LRRC7: variants seen among roughly 807,000 people sequenced by gnomAD.
LRRC7 encodes the protein leucine rich repeat containing 7.
Under a neutral mutation model 175.7 loss-of-function variants are expected in LRRC7, and 23 were observed. The ratio of observed to expected loss-of-function variants is 0.13; its 90% CI spans 0.09 to 0.19. LRRC7 has a LOEUF of 0.19. LRRC7 is among the 10% of genes least tolerant of loss of function. LRRC7 has a pLI of 1.00. For synonymous variants in LRRC7, 685 were observed against 680.9 expected, an observed-to-expected ratio of 1.01 and a Z score of -0.09; for missense variants, 1,354 against 1,904.7, an observed-to-expected ratio of 0.71 and a Z score of 5.38.
chr1:69,770,558 A>G (rs1227357159), intron 3 of LRRC7, among the ~76,000 whole-genome samples: 4 of 152,202 alleles, frequency 2.6e-5, no homozygotes, highest in African/African-American at 9.6e-5. Context: ...TTTTGAAATG[A>G]AAAAACTACT....
chr1:69,583,684 TA>T (rs2100927078), intron 1 of LRRC7, among the ~76,000 whole-genome samples: 1 of 152,304 alleles, frequency 6.6e-6, no homozygotes, highest in South Asian at 2.1e-4. Flanking sequence ...GGAAATGATA[TA>T]AAAATATAGG....
At chr1:70,099,766 A>G (rs1158376108) in intron 25 of LRRC7, among the ~76,000 whole-genome samples, 1 of 152,106 alleles carries the variant, frequency 6.6e-6, no homozygotes, top group Non-Finnish European at 1.5e-5. Flanking sequence ...TTACTATTTT[A>G]TGTTATTTGT....
intron 11 of LRRC7, among the ~76,000 whole-genome samples, chr1:70,009,352 TTTC>T (rs1412150905): frequency 9.5e-4 from 137 of 144,904 alleles, no homozygotes; most frequent in African/African-American, 3.4e-3. Context: ...TCTTTCTTTC[TTTC>T]TTTTTTTTTT....
At chr1:69,658,631 A>G (rs1232039052) in intron 1 of LRRC7, among the ~76,000 whole-genome samples, 3 of 152,076 alleles carry the variant, frequency 2.0e-5, no homozygotes, top group Admixed American at 2.0e-4. Flanking sequence ...CCTAAAAAAA[A>G]TCCTCAAAGA....
At chr1:69,860,788 A>T (rs1021865120) in intron 7 of LRRC7, among the ~76,000 whole-genome samples, 7 of 152,052 alleles carry the variant, frequency 4.6e-5, no homozygotes, top group African/African-American at 1.4e-4. Context: ...GACATAAAAG[A>T]AGATTTGAAT....
chr1:69,869,671 C>T (rs1464276777), intron 7 of LRRC7, among the ~76,000 whole-genome samples: 7 of 152,026 alleles, frequency 4.6e-5, no homozygotes, highest in Non-Finnish European at 8.8e-5. Context: ...AGGCAGAGAA[C>T]AAGCCCCTGA....
intron 11 of LRRC7, among the ~76,000 whole-genome samples, chr1:70,006,411 G>T (rs1309199604): frequency 1.3e-5 from 2 of 151,082 alleles, no homozygotes; most frequent in African/African-American, 4.9e-5. Context: ...GGCAGAGGCT[G>T]CAGTGAGCCA....
At chr1:69,895,360 G>A (rs1645950905) in intron 7 of LRRC7, among the ~76,000 whole-genome samples, 1 of 152,132 alleles carries the variant, frequency 6.6e-6, no homozygotes, top group African/African-American at 2.4e-5. Flanking sequence ...TGGAGGTGAT[G>A]TAAACCTCCT....
rs374309462 is a variant in LRRC7 at position 70,071,752 on chromosome 1, T to G, written c.4231-4325T>G. On this transcript the variant is annotated intron_variant, in intron 23 of 26. Coordinates refer to ENST00000651989, the MANE Select transcript of LRRC7 (RefSeq NM_001370785.2). ...AAATTGTAATCTTTTAAGGCGGTGT[T>G]TGATTTTTGGAAGCAAGCCCAGGTG... 7.9e-5 allele frequency among the ~76,000 whole-genome samples: 12 copies of G among 152,340 alleles called. No individual in the cohort carries two copies. In the East Asian group the frequency reaches 1.5e-3, roughly 20 times the overall value.
intron 7 of LRRC7, among the ~76,000 whole-genome samples, chr1:69,916,740 G>A (rs950195828): frequency 1.3e-5 from 2 of 151,988 alleles, no homozygotes; most frequent in African/African-American, 4.8e-5. Flanking sequence ...ACCGTCACTG[G>A]TTGAGAAGCT....
At chr1:69,986,101 C>A in intron 9 of LRRC7, 141 bp from the exon 10 acceptor site, 1 of 742,738 alleles carries the variant, frequency 1.3e-6, no homozygotes, top group South Asian at 2.4e-5. Context: ...TTGAAGTTTA[C>A]AATTCCTCCA....
At chr1:69,810,650 C>A (rs1483739791) in intron 4 of LRRC7, among the ~76,000 whole-genome samples, 3 of 152,122 alleles carry the variant, frequency 2.0e-5, no homozygotes, top group Non-Finnish European at 4.4e-5. Context: ...TTTGACAAAC[C>A]TGATGAAAAC....
intron 21 of LRRC7, among the ~76,000 whole-genome samples, chr1:70,040,220 G>A (rs752316039): frequency 4.6e-5 from 7 of 152,092 alleles, no homozygotes; most frequent in Non-Finnish European, 1.0e-4. Flanking sequence ...TTAAAGTCAG[G>A]CCTAATTTGT....
chr1:69,612,373 C>T (rs2100260209), intron 1 of LRRC7, among the ~76,000 whole-genome samples: 1 of 151,928 alleles, frequency 6.6e-6, no homozygotes, highest in East Asian at 1.9e-4. Context: ...CTTAGTATCC[C>T]AATAACTTGA....
intron 2 of LRRC7, 35 bp from the exon 3 acceptor site, chr1:69,760,156 C>CTGTTT (rs770868515): frequency 3.1e-5 from 49 of 1,600,022 alleles, no homozygotes; most frequent in Middle Eastern, 3.6e-4. Flanking sequence ...ACTGGATAAG[C>CTGTTT]TGTTTTGTTT....
At chr1:69,977,806 C>G (rs746238181) in intron 8 of LRRC7, among the ~76,000 whole-genome samples, 1 of 152,124 alleles carries the variant, frequency 6.6e-6, no homozygotes, top group Non-Finnish European at 1.5e-5. Flanking sequence ...GCTGGACATA[C>G]AGTAGTAGGA....
intron 1 of LRRC7, among the ~76,000 whole-genome samples, chr1:69,641,695 A>G (rs1654234643): frequency 6.6e-6 from 1 of 151,690 alleles, no homozygotes; most frequent in Admixed American, 6.6e-5. Flanking sequence ...AAAATTAATA[A>G]TTTTGTAGCT....
chr1:69,604,184 T>C (rs1048967173), intron 1 of LRRC7, among the ~76,000 whole-genome samples: 7 of 152,116 alleles, frequency 4.6e-5, no homozygotes, highest in African/African-American at 1.7e-4. Context: ...CGTAGATGAA[T>C]TTTTCAAATT....
intron 11 of LRRC7, among the ~76,000 whole-genome samples, chr1:69,997,260 A>T (rs1471507432): frequency 2.0e-5 from 3 of 152,118 alleles, no homozygotes; most frequent in Non-Finnish European, 2.9e-5. Flanking sequence ...GTATCCTGAG[A>T]CTTTGCTGAA....
Sources: allele counts gnomAD v4.1 joint callset (sites outside exome capture counted in the v4.1 genomes callset), GRCh38; gene constraint gnomAD v4.1.1; transcripts MANE v1.5; gene names NCBI Gene and HGNC (gene_info 2026-07-23, HGNC 2026-07-21).